UBA7: variants seen among roughly 807,000 people sequenced by gnomAD.
UBA7 encodes the protein ubiquitin-like modifier-activating enzyme 7.
In UBA7, 88 loss-of-function variants were observed where a neutral mutation model predicts 113.0. The observed-to-expected ratio is 0.78, with a 90% CI of 0.66 to 0.93. UBA7 has a LOEUF of 0.93. Ranked by LOEUF, UBA7 falls within the 40% of genes least tolerant of loss-of-function variation. The pLI is 0.00. For synonymous variants in UBA7, 459 were observed against 513.0 expected (o/e 0.89, Z 1.42); for missense variants, 1,092 against 1,266.4 (o/e 0.86, Z 2.09).
At chr3:49,812,827 T>G in intron 4 of UBA7, 89 bp from the exon 5 acceptor site, 1 of 1,456,294 alleles carries the variant, frequency 6.9e-7, no homozygotes. Context: ...GGGCCAGAAT[T>G]GGGAAAGGAA....
chr3:49,810,837 G>C lies in UBA7; in HGVS notation c.1231-5C>G, dbSNP rs2081532941. On this transcript the variant is annotated splice_region_variant and splice_polypyrimidine_tract_variant and intron_variant, in intron 10 of 23. Transcript: ENST00000333486. The surrounding 1 kb of genome is among the most constrained non-coding windows in gnomAD (Gnocchi z 5.6). ...CCCATCATAGCGGCTGCCTCTCTAG[G>C]GGACAGAGACGGGGTCAGTGATGGC... is the stretch of plus-strand genomic sequence containing the variant. 6.2e-7 allele frequency: 1 copy of C among 1,613,984 alleles called. No individual in the cohort carries two copies. Among genetic ancestry groups the C allele is most frequent in the African/African-American group, 1.3e-5 (1 of 74,904 alleles).
rs2081427845 is a variant in UBA7, at chr3:49,805,268, C to T, written c.*40G>A. ...GGGCTTACAATGCAGGGCTTGGGAT[C>T]CGGGGCTCCATTGAGCTAGGTGACA... On this transcript the variant is annotated 3_prime_UTR_variant, in exon 24 of 24. Coordinates refer to ENST00000333486, the MANE Select transcript of UBA7 (RefSeq NM_003335.3). The T allele has an allele frequency of 6.3e-7, 1 of 1,594,682 alleles. No individual in the cohort carries two copies. The highest frequency in any genetic ancestry group is 8.6e-7 in the Non-Finnish European group (1 of 1,164,790).
chr3:49,811,679 G>T, intron 8 of UBA7, 191 bp downstream of exon 8: 1 of 1,144,112 alleles, frequency 8.7e-7, no homozygotes, highest in Non-Finnish European at 1.2e-6. Context: ...TTCCAGCACA[G>T]ATCTGAGGGG....
rs201594051 is a variant in UBA7, at chr3:49,806,214, C to T, written c.2716-49G>A. 4.6e-4 allele frequency: 694 copies of T among 1,495,066 alleles called. 8 individuals are homozygous for T. The South Asian group carries it at 7.9e-3, about 17-fold the overall frequency. The allele number at this position is 1,495,066 out of a possible 1,614,324, so 92.6% of individuals were successfully genotyped here. A position where few individuals can be genotyped will look rare whatever the true frequency, so the allele number is the denominator to read the frequency against. On this transcript the variant is annotated intron_variant, in intron 21 of 23. Transcript: ENST00000333486. ...CAGAGACTTCTTACCTCCCCCCAAC[C>T]CCCATCCCAGTTACCAGCAGCCTTT... is the stretch of plus-strand genomic sequence containing the variant.
chr3:49,812,609 C>T lies in UBA7; in HGVS notation c.558+39G>A, dbSNP rs1386301483. 5 of 1,614,182 alleles carry T rather than the reference C, an allele frequency of 3.1e-6. No individual in the cohort carries two copies. The Admixed American group carries it at 8.3e-5, about 27-fold the overall frequency. On this transcript the variant is annotated intron_variant, in intron 5 of 23. Coordinates refer to ENST00000333486, the MANE Select transcript of UBA7 (RefSeq NM_003335.3). ...CCTTCCACAGGCCCTGGCAGCCTCTCCTTGGTCAGCAGGTGAATGCCTACA... is the reference window on the plus strand; with the variant it reads ...CCTTCCACAGGCCCTGGCAGCCTCTTCTTGGTCAGCAGGTGAATGCCTACA...
intron 22 of UBA7, 32 bp from the exon 23 acceptor site, chr3:49,806,029 C>CGGGCT: frequency 6.4e-7 from 1 of 1,569,438 alleles, no homozygotes; most frequent in Non-Finnish European, 8.6e-7. Flanking sequence ...CCAGCTGGGC[C>CGGGCT]GGGCTGGGCT....
In UBA7 at chr3:49,810,256, C is replaced by G; in HGVS notation, c.1633+7G>C. The G allele has an allele frequency of 1.9e-6, 3 of 1,613,658 alleles. No individual in the cohort carries two copies. In the South Asian group the frequency reaches 3.3e-5, roughly 18 times the overall value. The stretch of plus-strand genomic sequence containing the variant: ...CAAGGGACTGACCTCCGAAGTCAAG[C>G]ACTCACGGGCCTGGAAACTGTCCAG... On this transcript the variant is annotated splice_region_variant and intron_variant, in intron 13 of 23. Transcript: ENST00000333486. The surrounding 1 kb of genome is among the most constrained non-coding windows in gnomAD (Gnocchi z 5.6).
At chr3:49,808,946 A>G in intron 18 of UBA7, 30 bp downstream of exon 18, 1 of 1,606,626 alleles carries the variant, frequency 6.2e-7, no homozygotes, top group Non-Finnish European at 8.5e-7. Context: ...TTTGAAAGAC[A>G]GCATGAGGGG....
intron 18 of UBA7, 107 bp downstream of exon 18, chr3:49,808,869 G>T (rs1292701124): frequency 2.2e-6 from 3 of 1,390,982 alleles, no homozygotes; most frequent in Non-Finnish European, 2.9e-6. Flanking sequence ...GTAGCAAATT[G>T]GCTGTAGATC....
At chr3:49,806,045 TG>T (rs1215634668) in intron 22 of UBA7, 27 bp downstream of exon 22, 1 of 1,576,970 alleles carries the variant, frequency 6.3e-7, no homozygotes, top group African/African-American at 1.3e-5. Flanking sequence ...GGGCTGAGCC[TG>T]GGGGTTGGGG....
rs1262794977 is a variant in UBA7, at chr3:49,813,133, CT to C, written c.395del (p.Gln132ArgfsTer2). On this transcript the variant is annotated frameshift_variant, in exon 4 of 24. Coordinates refer to ENST00000333486, the MANE Select transcript of UBA7 (RefSeq NM_003335.3). LOFTEE classifies it high-confidence loss of function. ...TATGACACAAGGTGCCCACCTTCAG[CT>C]GCTCCTCCAGCTTTGCAGCAGTCAG... is the stretch of plus-strand genomic sequence containing the variant. ...VVLTAAKLEEQLKVGTLCHKH... is the reference protein window; with the variant it reads ...VVLTAAKLEEXLKVGTLCHKH... 6.2e-7 allele frequency: 1 copy of C among 1,614,196 alleles called. No homozygotes were observed. Among genetic ancestry groups the C allele is most frequent in the Admixed American group, 1.7e-5 (1 of 60,026 alleles).
At chr3:49,811,810 T>C in intron 8 of UBA7, 60 bp downstream of exon 8, 1 of 1,599,432 alleles carries the variant, frequency 6.3e-7, no homozygotes, top group South Asian at 1.1e-5. Context: ...TTGTTGCCTC[T>C]GGCAGGTGGG....
intron 17 of UBA7, 104 bp downstream of exon 17, chr3:49,809,286 G>A: frequency 5.9e-6 from 9 of 1,535,750 alleles, no homozygotes; most frequent in Non-Finnish European, 8.0e-6. Context: ...CACAAGCATG[G>A]CTCTCTCTGG....
chr3:49,809,343 G>C, intron 17 of UBA7, 47 bp downstream of exon 17: 1 of 1,602,130 alleles, frequency 6.2e-7, no homozygotes. Context: ...CCTCTGCTCT[G>C]AGGGGCCACA....
At chr3:49,811,188 C>A in intron 9 of UBA7, 85 bp downstream of exon 9, 2 of 1,603,178 alleles carry the variant, frequency 1.2e-6, no homozygotes, top group Admixed American at 3.4e-5. Context: ...GGCTCCAGGG[C>A]TGCTCTCTAG....
At chr3:49,812,952 G>T in intron 4 of UBA7, 110 bp downstream of exon 4, 2 of 1,329,458 alleles carry the variant, frequency 1.5e-6, no homozygotes, top group Non-Finnish European at 1.0e-6. Flanking sequence ...GGCATGCTGG[G>T]ATAGACCTGA....
chr3:49,807,817 A>T lies in UBA7; in HGVS notation c.2634T>A (p.Arg878=), dbSNP rs1368618941. 9 of 1,614,158 alleles carry T rather than the reference A, an allele frequency of 5.6e-6. No individual in the cohort carries two copies. The highest frequency in any genetic ancestry group is 7.6e-6 in the Non-Finnish European group (9 of 1,180,014). The part of the protein sequence containing the change: ...LYKVVSGPRP[R]SAFRHSYLHL... ...GTAGGTAGCTGTGGCGAAAGGCACT[A>T]CGAGGCCGTGGCCCACTCACCACCT... Residue 878 remains arginine, a synonymous_variant, in exon 21 of 24, where the codon CGT becomes CGA. Coordinates refer to ENST00000333486, the MANE Select transcript of UBA7 (RefSeq NM_003335.3). This position sits in a 1 kb window ranked among gnomAD's most constrained non-coding sequence, Gnocchi z 4.0.
chr3:49,811,207 G>A, intron 9 of UBA7, 66 bp downstream of exon 9: 1 of 1,604,780 alleles, frequency 6.2e-7, no homozygotes, highest in Non-Finnish European at 8.5e-7. Context: ...AGCGCTGGGT[G>A]CCCTCTGACA....
rs2081590427 is a variant in UBA7, at chr3:49,813,885, G to A, written c.-98C>T. 1.4e-6 allele frequency: 2 copies of A among 1,427,264 alleles called. No homozygotes were observed. The highest frequency in any genetic ancestry group is 2.0e-5 in the Admixed American group (1 of 50,424). The allele number at this position is 1,427,264 out of a possible 1,614,324, so 88.4% of individuals were successfully genotyped here. On this transcript the variant is annotated 5_prime_UTR_variant, in exon 1 of 24. Transcript: ENST00000333486. ...AGGGGCCAGTGCCCTGCTGTAGCCA[G>A]TGCAAACAGGAACCAAGGCCAAGCG...
Sources: allele counts gnomAD v4.1 joint callset, GRCh38; gene constraint gnomAD v4.1.1; non-coding constraint Gnocchi (gnomAD v3.1); transcripts MANE v1.5; gene names NCBI Gene and HGNC (gene_info 2026-07-23, HGNC 2026-07-21).